The following LRRC4C variants were observed in gnomAD, a reference collection of about 807,000 sequenced individuals.
The protein encoded by LRRC4C is leucine-rich repeat-containing protein 4C.
A neutral mutation model predicts 33.6 loss-of-function variants in LRRC4C; 5 were observed. That is an observed-to-expected ratio of 0.15 (90% CI 0.08 to 0.31). LRRC4C has a LOEUF of 0.31. Ranked by LOEUF, LRRC4C falls within the 10% of genes least tolerant of loss-of-function variation. LRRC4C has a pLI of 1.00. For synonymous variants in LRRC4C, 329 were observed against 302.0 expected, an observed-to-expected ratio of 1.09 and a Z score of -0.93; for missense variants, 560 against 796.7, an observed-to-expected ratio of 0.70 and a Z score of 3.58.
At chr11:40,915,083 G>A (rs1164173193) in intron 2 of LRRC4C, among the ~76,000 whole-genome samples, 2 of 152,180 alleles carry the variant, frequency 1.3e-5, no homozygotes, top group South Asian at 2.1e-4. Context: ...ATGCTCATGG[G>A]TAGGAAGAAT....
intron 1 of LRRC4C, among the ~76,000 whole-genome samples, chr11:40,962,333 T>C (rs1442611144): frequency 6.6e-6 from 1 of 151,600 alleles, no homozygotes; most frequent in Admixed American, 6.6e-5. Context: ...GCTCACATCT[T>C]GGTTTCAGAC....
At chr11:41,391,218 C>T (rs1467386215) in intron 1 of LRRC4C, among the ~76,000 whole-genome samples, 1 of 149,810 alleles carries the variant, frequency 6.7e-6, no homozygotes, top group Non-Finnish European at 1.5e-5. Flanking sequence ...GTGTTCTATA[C>T]TCAGTAAGTC....
At chr11:40,508,613 T>G (rs11035878) in intron 3 of LRRC4C, among the ~76,000 whole-genome samples, 1 of 152,178 alleles carries the variant, frequency 6.6e-6, no homozygotes, top group Non-Finnish European at 1.5e-5. Flanking sequence ...TTCTTTTTCA[T>G]GAACTCTGTG....
At chr11:40,287,983 T>C (rs1473288918) in intron 4 of LRRC4C, among the ~76,000 whole-genome samples, 3 of 152,184 alleles carry the variant, frequency 2.0e-5, no homozygotes, top group Admixed American at 2.0e-4. Context: ...TCCATATCTG[T>C]TTTTCTGCAA....
chr11:41,063,443 G>A (rs1275314859), intron 1 of LRRC4C, among the ~76,000 whole-genome samples: 1 of 152,098 alleles, frequency 6.6e-6, no homozygotes, highest in Non-Finnish European at 1.5e-5. Context: ...GGCAAATAAA[G>A]TATATAAGAA....
chr11:40,536,367 T>A (rs182148548), intron 3 of LRRC4C, among the ~76,000 whole-genome samples: 70 of 152,256 alleles, frequency 4.6e-4, no homozygotes, highest in African/African-American at 1.6e-3. Flanking sequence ...CTAATTTTTG[T>A]ATTTTTAGTA....
intron 1 of LRRC4C, among the ~76,000 whole-genome samples, chr11:41,419,147 C>T (rs1408850645): frequency 6.6e-6 from 1 of 151,820 alleles, no homozygotes; most frequent in East Asian, 1.9e-4. Flanking sequence ...CTTCCTGTCC[C>T]TGAACTCCAC....
At chr11:40,322,480 A>G (rs1286494011) in intron 3 of LRRC4C, among the ~76,000 whole-genome samples, 1 of 152,134 alleles carries the variant, frequency 6.6e-6, no homozygotes, top group Non-Finnish European at 1.5e-5. Flanking sequence ...TCCTGACCTC[A>G]GGTGATTCAC....
At chr11:40,186,715 C>T (rs572687994) in intron 5 of LRRC4C, among the ~76,000 whole-genome samples, 3 of 152,162 alleles carry the variant, frequency 2.0e-5, no homozygotes, top group Admixed American at 6.5e-5. Context: ...TAGATCTCTT[C>T]GAGTCTGCAC....
intron 1 of LRRC4C, among the ~76,000 whole-genome samples, chr11:41,193,839 A>G (rs1946068793): frequency 6.6e-6 from 1 of 152,050 alleles, no homozygotes; most frequent in Non-Finnish European, 1.5e-5. Context: ...CTTCTATGAT[A>G]CTGAAACTAA....
At chr11:40,145,192 AGC>A (rs1435626464) in intron 5 of LRRC4C, among the ~76,000 whole-genome samples, 1 of 152,220 alleles carries the variant, frequency 6.6e-6, no homozygotes, top group African/African-American at 2.4e-5. Context: ...TATAGAAAAA[AGC>A]AACTAAAGCA....
At chr11:41,161,838 C>A (rs1040602614) in intron 1 of LRRC4C, among the ~76,000 whole-genome samples, 7 of 152,088 alleles carry the variant, frequency 4.6e-5, no homozygotes, top group Admixed American at 4.6e-4. Context: ...TCACTCAACC[C>A]AACAGGACTA....
chr11:40,384,204 C>T (rs1354972602), intron 3 of LRRC4C, among the ~76,000 whole-genome samples: 1 of 151,612 alleles, frequency 6.6e-6, no homozygotes, highest in African/African-American at 2.4e-5. Context: ...AGGGGAATAC[C>T]CTAAGAGTAT....
At chr11:40,810,747 A>C (rs1951453038) in intron 2 of LRRC4C, among the ~76,000 whole-genome samples, 2 of 152,142 alleles carry the variant, frequency 1.3e-5, no homozygotes, top group Admixed American at 1.3e-4. Flanking sequence ...CTAATTAATT[A>C]ACATGTCTTT....
chr11:40,177,582 G>A (rs1425989963), intron 5 of LRRC4C, among the ~76,000 whole-genome samples: 2 of 151,960 alleles, frequency 1.3e-5, no homozygotes, highest in Non-Finnish European at 1.5e-5. Flanking sequence ...ATAGCTATAG[G>A]GCTCACAGTC....
chr11:40,265,304 G>A (rs188736835), intron 4 of LRRC4C, among the ~76,000 whole-genome samples: 37 of 152,156 alleles, frequency 2.4e-4, no homozygotes, highest in African/African-American at 6.3e-4. Flanking sequence ...ATTTATGTGC[G>A]GACTTTCCCG....
intron 1 of LRRC4C, among the ~76,000 whole-genome samples, chr11:41,419,026 T>C (rs1954785382): frequency 6.6e-6 from 1 of 151,920 alleles, no homozygotes; most frequent in South Asian, 2.1e-4. Context: ...GTTCAGAAGA[T>C]ACAAAGTTGA....
chr11:41,409,830 G>A (rs1309848715), intron 1 of LRRC4C, among the ~76,000 whole-genome samples: 3 of 151,690 alleles, frequency 2.0e-5, no homozygotes, highest in Admixed American at 6.6e-5. Flanking sequence ...AAAAAATTGC[G>A]AAAAAAAATG....
intron 1 of LRRC4C, among the ~76,000 whole-genome samples, chr11:41,046,683 A>G (rs1857797979): frequency 6.6e-6 from 1 of 152,172 alleles, no homozygotes; most frequent in Non-Finnish European, 1.5e-5. Context: ...CCAAACATCC[A>G]GCGTTTGCAC....
Sources: gnomAD v4.1 joint callset for allele counts (sites outside exome capture counted in the v4.1 genomes callset) on GRCh38, gnomAD v4.1.1 for gene constraint, MANE v1.5 for transcripts, NCBI Gene and HGNC (gene_info 2026-07-23, HGNC 2026-07-21) for gene names.